FAP: variants seen among roughly 807,000 people sequenced by gnomAD.
FAP encodes the protein prolyl endopeptidase FAP.
In FAP, 110 loss-of-function variants were observed where a neutral mutation model predicts 126.5. The observed-to-expected ratio is 0.87, with a 90% CI of 0.74 to 1.02. The LOEUF is 1.02. Ranked by LOEUF, FAP falls within the 50% of genes least tolerant of loss-of-function variation. FAP has a pLI of 0.00. For synonymous variants in FAP, 334 were observed against 297.3 expected, an observed-to-expected ratio of 1.12 and a Z score of -1.27; for missense variants, 919 against 909.2, an observed-to-expected ratio of 1.01 and a Z score of -0.14.
intron 8 of FAP, 100 bp downstream of exon 8, chr2:162,218,963 A>G (rs925735118): frequency 5.5e-5 from 53 of 957,780 alleles, no homozygotes; most frequent in Non-Finnish European, 6.7e-5. Flanking sequence ...GCTACCCTTC[A>G]TGGAAATAAG....
chr2:162,208,413 T>A (rs1345133430), intron 12 of FAP, among the ~76,000 whole-genome samples: 1 of 152,218 alleles, frequency 6.6e-6, no homozygotes, highest in Non-Finnish European at 1.5e-5. Context: ...TTCTAAAGTG[T>A]TTCAGTGTTT....
chr2:162,214,059 C>G lies in FAP; in HGVS notation c.881G>C (p.Ser294Thr). 1 of 1,613,898 alleles carries G rather than the reference C, an allele frequency of 6.2e-7. No individual in the cohort carries two copies. The highest frequency in any genetic ancestry group is 8.5e-7 in the Non-Finnish European group (1 of 1,179,910). ...TTCATCAGTAACCCACGTGAGCCAA[C>G]TGAAATAATAATCACTGCAAATAAA... is the stretch of plus-strand genomic sequence containing the variant. The part of the protein sequence containing the change: ...AMIASSDYYF[S>T]WLTWVTDERV... The change falls in exon 11 of 26, where the codon AGT becomes ACT. Residue 294 changes from serine to threonine, a missense_variant. By Grantham distance (58) the Ser-to-Thr change is moderately conservative. Coordinates refer to ENST00000188790, the MANE Select transcript of FAP (RefSeq NM_004460.5).
At chr2:162,224,567 A>T (rs1386349538) in intron 4 of FAP, 27 bp from the exon 5 acceptor site, 7 of 1,409,906 alleles carry the variant, frequency 5.0e-6, no homozygotes, top group Non-Finnish European at 6.9e-6. Context: ...GTTGATTAGA[A>T]TACAGAAAAG....
chr2:162,231,651 A>C (rs1689906245), intron 2 of FAP, among the ~76,000 whole-genome samples: 1 of 152,250 alleles, frequency 6.6e-6, no homozygotes, highest in Non-Finnish European at 1.5e-5. Context: ...TTATGAATCC[A>C]AGAAATTACA....
chr2:162,213,908 A>C, intron 11 of FAP, 30 bp downstream of exon 11: 7 of 1,602,604 alleles, frequency 4.4e-6, no homozygotes, highest in Non-Finnish European at 5.1e-6. Context: ...ATCTTCAGAA[A>C]TACGTATCTG....
At chr2:162,195,443 C>A (rs950178286) in intron 16 of FAP, among the ~76,000 whole-genome samples, 1 of 151,846 alleles carries the variant, frequency 6.6e-6, no homozygotes, top group Non-Finnish European at 1.5e-5. Context: ...CTGACTTTTA[C>A]CCCCTAGCAT....
At chr2:162,196,521 T>TG in intron 16 of FAP, among the ~76,000 whole-genome samples, 1 of 148,822 alleles carries the variant, frequency 6.7e-6, no homozygotes, top group East Asian at 2.0e-4. Flanking sequence ...TGCATATCTT[T>TG]TTTTTTTTTT....
Position 162,210,578 on chromosome 2 carries a change from G to A in FAP, c.1003-582C>T, listed in dbSNP as rs115127347. 5.7e-3 allele frequency among the ~76,000 whole-genome samples: 868 copies of A among 152,228 alleles called. 8 individuals are homozygous for A. Among genetic ancestry groups the A allele is most frequent in the African/African-American group, 0.02 (818 of 41,548 alleles). On this transcript the variant is annotated intron_variant, in intron 11 of 25. Transcript: ENST00000188790. The stretch of plus-strand genomic sequence containing the variant: ...TATGGCTGAGTGGAGAGTGACTACA[G>A]GAAAGAGTTAGAAGATGAAGGAGAA...
intron 22 of FAP, among the ~76,000 whole-genome samples, chr2:162,174,342 G>A (rs746086308): frequency 1.3e-5 from 2 of 151,730 alleles, no homozygotes; most frequent in African/African-American, 4.9e-5. Flanking sequence ...AAAATTATTA[G>A]AGTTATTTTG....
intron 2 of FAP, among the ~76,000 whole-genome samples, chr2:162,238,045 G>GT (rs113154187): frequency 2.6e-4 from 39 of 147,872 alleles, no homozygotes; most frequent in Admixed American, 4.0e-4. Context: ...TGATGGGATT[G>GT]TTTTTTTTTT....
At chr2:162,203,013 G>A (rs530852019) in intron 13 of FAP, 28 bp downstream of exon 13, 19 of 1,595,280 alleles carry the variant, frequency 1.2e-5, no homozygotes, top group Non-Finnish European at 1.5e-5. Flanking sequence ...AATGATCTTT[G>A]AGGAGATAAA....
chr2:162,215,492 GAAAAAT>G (rs2106269292), intron 10 of FAP, among the ~76,000 whole-genome samples: 1 of 152,308 alleles, frequency 6.6e-6, no homozygotes, highest in African/African-American at 2.4e-5. Flanking sequence ...GCTTCATTGT[GAAAAAT>G]GCTAATTTTT....
At chr2:162,220,231 T>C (rs1689333009) in intron 6 of FAP, among the ~76,000 whole-genome samples, 1 of 152,240 alleles carries the variant, frequency 6.6e-6, no homozygotes, top group African/African-American at 2.4e-5. Flanking sequence ...AGAAATTATC[T>C]AATACAGTCC....
intron 2 of FAP, 76 bp from the exon 3 acceptor site, chr2:162,226,697 T>A (rs1371519491): frequency 1.3e-6 from 1 of 772,410 alleles, no homozygotes; most frequent in African/African-American, 1.8e-5. Flanking sequence ...CTGGCCTTCA[T>A]CTGTTCTTTC....
rs768148456 is a variant in FAP at position 162,198,156 on chromosome 2, G to T, written c.1402+601C>A. On this transcript the variant is annotated intron_variant, in intron 16 of 25. Coordinates refer to ENST00000188790, the MANE Select transcript of FAP (RefSeq NM_004460.5). ...TTGTAGATTTTATTACTTATGGTTT[G>T]TTATATTTGATGCATTACTTACGAT... 67 of 1,279,958 alleles carry T rather than the reference G, an allele frequency of 5.2e-5. No homozygotes were observed. In the Middle Eastern group the frequency reaches 1.9e-3, roughly 37 times the overall value. The allele number at this position is 1,279,958 out of a possible 1,614,324, so 79.3% of individuals were successfully genotyped here. A position where few individuals can be genotyped will look rare whatever the true frequency, so the allele number is the denominator to read the frequency against.
At chr2:162,179,810 A>ATTT (rs1186933075) in intron 21 of FAP, among the ~76,000 whole-genome samples, 133 of 107,132 alleles carry the variant, frequency 1.2e-3, no homozygotes, top group African/African-American at 3.7e-3. Flanking sequence ...ATATATATAT[A>ATTT]TATTTTTTTT....
chr2:162,182,816 T>C (rs1056329511), intron 21 of FAP, among the ~76,000 whole-genome samples: 1 of 152,246 alleles, frequency 6.6e-6, no homozygotes, highest in African/African-American at 2.4e-5. Context: ...TTTGCCACTT[T>C]CTTTAAATGT....
rs1553682796 is a variant in FAP at position 162,170,844 on chromosome 2, TAACAGCC to T, written c.*128_*134del. 8.0e-6 allele frequency: 5 copies of T among 623,432 alleles called. No homozygotes were observed. The Admixed American group carries it at 9.4e-5, about 12-fold the overall frequency. 38.6% of individuals were successfully genotyped at this position (623,432 alleles called of 1,614,324 possible). A position where few individuals can be genotyped will look rare whatever the true frequency, so the allele number is the denominator to read the frequency against. On this transcript the variant is annotated 3_prime_UTR_variant, in exon 26 of 26. Coordinates refer to ENST00000188790, the MANE Select transcript of FAP (RefSeq NM_004460.5). ...AACTTCTGAGTCCTCATCTTTTTTTTAACAGCCTTTAGAACAACATTAATTTGTTTGT... is the reference window on the plus strand; with the variant it reads ...AACTTCTGAGTCCTCATCTTTTTTTTTTTAGAACAACATTAATTTGTTTGT...
chr2:162,232,113 C>A (rs1199385533), intron 2 of FAP, among the ~76,000 whole-genome samples: 1 of 151,796 alleles, frequency 6.6e-6, no homozygotes, highest in Non-Finnish European at 1.5e-5. Flanking sequence ...ATACTATTTA[C>A]AAGCTAATAT....
Sources: allele counts gnomAD v4.1 joint callset (sites outside exome capture counted in the v4.1 genomes callset), GRCh38; gene constraint gnomAD v4.1.1; transcripts MANE v1.5; gene names NCBI Gene and HGNC (gene_info 2026-07-23, HGNC 2026-07-21).